RARB: variants seen among roughly 807,000 people sequenced by gnomAD.
RARB encodes the protein HBV-activated protein.
RARB carries 17 observed loss-of-function variants against 51.9 expected under a neutral mutation model. The ratio of observed to expected loss-of-function variants is 0.33; its 90% confidence interval spans 0.22 to 0.49. The LOEUF (loss-of-function observed/expected upper bound fraction) is 0.49. Among genes scored for constraint, RARB ranks in the 20% least tolerant of loss-of-function variants. The pLI is 0.99. For synonymous variants in RARB, 215 were observed against 195.4 expected (o/e 1.10, Z -0.84); for missense variants, 369 against 550.8 (o/e 0.67, Z 3.30).
chr3:25,297,461 G>A (rs1172269411), intron 5 of RARB, among the ~76,000 whole-genome samples: 1 of 97,922 alleles, frequency 1.0e-5, no homozygotes. Flanking sequence ...TTTTGTCTTG[G>A]ATTTAGACTG....
chr3:24,893,126 G>T (rs1382831101), intron 2 of RARB, among the ~76,000 whole-genome samples: 3 of 152,180 alleles, frequency 2.0e-5, no homozygotes, highest in Non-Finnish European at 4.4e-5. Flanking sequence ...GTAATGGTGG[G>T]ACACCTGCTA....
intron 2 of RARB, among the ~76,000 whole-genome samples, chr3:25,468,187 A>G (rs188593086): frequency 5.9e-5 from 9 of 152,212 alleles, no homozygotes; most frequent in Admixed American, 2.0e-4. Context: ...CAAATCCACA[A>G]GTTTGAACCC....
intron 5 of RARB, among the ~76,000 whole-genome samples, chr3:25,269,905 G>C (rs986827866): frequency 6.6e-6 from 1 of 152,136 alleles, no homozygotes. Flanking sequence ...CATACGAAAA[G>C]ATGTTCAGCA....
At chr3:25,131,040 C>T (rs1338579953) in intron 3 of RARB, among the ~76,000 whole-genome samples, 1 of 148,772 alleles carries the variant, frequency 6.7e-6, no homozygotes, top group East Asian at 2.0e-4. Flanking sequence ...TATCAATGAT[C>T]TTATCAATAT....
At chr3:25,462,516 G>A (rs931337897) in intron 2 of RARB, 1 of 152,188 alleles carries the variant, frequency 6.6e-6, no homozygotes, top group African/African-American at 2.4e-5. Context: ...TAATGTTACA[G>A]GTACTCCATG....
intron 2 of RARB, among the ~76,000 whole-genome samples, chr3:25,493,592 T>C (rs1349761065): frequency 1.3e-5 from 2 of 152,226 alleles, no homozygotes; most frequent in Non-Finnish European, 2.9e-5. Flanking sequence ...TAGAGTCTTT[T>C]AGTGAGTGAG....
At chr3:24,881,663 A>G (rs779665472) in intron 2 of RARB, among the ~76,000 whole-genome samples, 22 of 152,222 alleles carry the variant, frequency 1.4e-4, no homozygotes, top group Non-Finnish European at 2.5e-4. Flanking sequence ...CCAGAAGACA[A>G]TGGAGCACAA....
intron 2 of RARB, among the ~76,000 whole-genome samples, chr3:24,980,434 C>G (rs71498358): frequency 6.6e-6 from 1 of 152,226 alleles, no homozygotes; most frequent in Non-Finnish European, 1.5e-5. Context: ...GGTCTTTTCA[C>G]ATAGTCCCAT....
intron 2 of RARB, among the ~76,000 whole-genome samples, chr3:25,009,949 C>G (rs1479314043): frequency 1.3e-5 from 2 of 152,106 alleles, no homozygotes; most frequent in African/African-American, 4.8e-5. Flanking sequence ...GACGTCAAAG[C>G]TGTTTCTTAT....
At chr3:25,392,517 C>T (rs1182085213) in intron 5 of RARB, among the ~76,000 whole-genome samples, 3 of 152,110 alleles carry the variant, frequency 2.0e-5, no homozygotes, top group African/African-American at 7.2e-5. Flanking sequence ...TCTATCCATC[C>T]ATGAGCCTGG....
At chr3:25,332,767 T>C (rs1386553621) in intron 5 of RARB, among the ~76,000 whole-genome samples, 2 of 152,082 alleles carry the variant, frequency 1.3e-5, no homozygotes, top group East Asian at 1.9e-4. Context: ...GATTGTATAT[T>C]TAGAAAACCC....
intron 3 of RARB, among the ~76,000 whole-genome samples, chr3:25,535,585 G>A (rs1178221686): frequency 1.3e-5 from 2 of 151,952 alleles, no homozygotes. Context: ...GACAGGCCCT[G>A]GTGTGTGATG....
intron 4 of RARB, among the ~76,000 whole-genome samples, chr3:25,139,335 G>A (rs926163177): frequency 1.3e-5 from 2 of 152,140 alleles, no homozygotes; most frequent in Admixed American, 1.3e-4. Context: ...TGGAAGAAAA[G>A]TTCTTGAAGG....
intron 5 of RARB, among the ~76,000 whole-genome samples, chr3:25,206,027 A>G (rs890337722): frequency 6.6e-6 from 1 of 152,196 alleles, no homozygotes; most frequent in Non-Finnish European, 1.5e-5. Flanking sequence ...CTAAGCTATG[A>G]TGCTTGGTAG....
chr3:24,884,780 C>T (rs1241426771), intron 2 of RARB, among the ~76,000 whole-genome samples: 1 of 152,044 alleles, frequency 6.6e-6, no homozygotes, highest in African/African-American at 2.4e-5. Context: ...TGTGTAGGAG[C>T]TCTATTTGAA....
At chr3:25,089,895 A>G (rs920021507) in intron 3 of RARB, among the ~76,000 whole-genome samples, 1 of 152,148 alleles carries the variant, frequency 6.6e-6, no homozygotes, top group Non-Finnish European at 1.5e-5. Flanking sequence ...CCCAGATGTT[A>G]GTATATTAGC....
chr3:25,555,218 A>T (rs1022074176), intron 3 of RARB, among the ~76,000 whole-genome samples: 1 of 152,170 alleles, frequency 6.6e-6, no homozygotes, highest in Non-Finnish European at 1.5e-5. Flanking sequence ...AATACATGCA[A>T]TAGTTTCTGC....
At chr3:25,353,925 A>G (rs1278603535) in intron 5 of RARB, among the ~76,000 whole-genome samples, 3 of 152,130 alleles carry the variant, frequency 2.0e-5, no homozygotes, top group African/African-American at 7.2e-5. Context: ...TGCAAATCTC[A>G]TAATATAAAG....
intron 2 of RARB, among the ~76,000 whole-genome samples, chr3:24,951,281 C>A (rs931518559): frequency 2.0e-5 from 3 of 152,076 alleles, no homozygotes; most frequent in Non-Finnish European, 2.9e-5. Flanking sequence ...GAAGACACAT[C>A]CCATGCAGAG....
Sources: gnomAD v4.1 joint callset for allele counts (sites outside exome capture counted in the v4.1 genomes callset) on GRCh38, gnomAD v4.1.1 for gene constraint, MANE v1.5 for transcripts, NCBI Gene and HGNC (gene_info 2026-07-23, HGNC 2026-07-21) for gene names.